Variants in NUP98 observed in about 807,000 individuals in gnomAD.
NUP98 encodes the protein nuclear pore complex protein Nup98-Nup96.
A neutral mutation model predicts 191.9 loss-of-function variants in NUP98; 26 were observed. The ratio of observed to expected loss-of-function variants is 0.14; its 90% CI spans 0.10 to 0.19. The LOEUF (loss-of-function observed/expected upper bound fraction) is 0.19. NUP98 is among the 10% of genes least tolerant of loss of function. The pLI, the probability that NUP98 is intolerant of heterozygous loss-of-function variation, is 1.00. For missense variants in NUP98, 1,941 were observed against 2,178.8 expected (o/e 0.89, Z 2.17); for synonymous variants, 808 against 778.4 (o/e 1.04, Z -0.63).
At chr11:3,753,552 A>C (rs1028893633) in intron 10 of NUP98, 144 bp from the exon 11 acceptor site, 1 of 501,290 alleles carries the variant, frequency 2.0e-6, no homozygotes, top group Non-Finnish European at 3.5e-6. Flanking sequence ...AGGATAACTT[A>C]AAAAAAAAAT....
intron 8 of NUP98, among the ~76,000 whole-genome samples, chr11:3,767,616 C>T (rs528029139): frequency 1.4e-3 from 217 of 152,214 alleles, no homozygotes; most frequent in South Asian, 2.3e-3. Flanking sequence ...CTACTGTGCC[C>T]AGCCCATACT....
chr11:3,719,491 T>C lies in NUP98; in HGVS notation c.2320A>G (p.Ile774Val), dbSNP rs778812908. The C allele has an allele frequency of 1.9e-6, 3 of 1,594,326 alleles. No individual in the cohort carries two copies. The highest frequency in any genetic ancestry group is 1.4e-5 in the African/African-American group (1 of 73,778). ...ACTTCTTTCCTCCGGATATGCACAA[T>C]ATCATCCAAATTTAGATTTGTCAAA... ...VNLTNLNLDD[I>V]VHIRRKEVVV... Residue 774 changes from isoleucine (I) to valine (V), a missense_variant, in exon 18 of 33, where the codon ATT (isoleucine) becomes GTT (valine). Ile to Val is a conservative substitution (Grantham distance 29). Transcript: ENST00000324932.
intron 12 of NUP98, among the ~76,000 whole-genome samples, chr11:3,741,615 C>T (rs2080289305): frequency 2.0e-5 from 3 of 151,464 alleles, no homozygotes; most frequent in African/African-American, 7.3e-5. Flanking sequence ...TGCGAAACTC[C>T]GTCTCAAAAA....
chr11:3,739,288 C>T (rs2080188987), intron 12 of NUP98, among the ~76,000 whole-genome samples: 1 of 152,088 alleles, frequency 6.6e-6, no homozygotes, highest in African/African-American at 2.4e-5. Context: ...CTTGCTGTGT[C>T]ACTCAGGCTG....
chr11:3,702,833 C>G lies in NUP98; in HGVS notation c.3142G>C (p.Val1048Leu). The G allele has an allele frequency of 6.2e-7, 1 of 1,614,054 alleles. No individual in the cohort carries two copies. The highest frequency in any genetic ancestry group is 1.3e-5 in the African/African-American group (1 of 75,026). ...SGAFLSPSVS[V>L]QECRTPRAAS... ...GCTCTGGGAGTACGACATTCTTGCA[C>G]AGAGACACTTGGTGAAAGAAAAGCT... is the stretch of plus-strand genomic sequence containing the variant. Residue 1048 changes from valine to leucine, a missense_variant, in exon 23 of 33, where the codon GTG becomes CTG. Around this residue, in one of 6 missense-constraint regions of NUP98, gnomAD observed 1,030 missense variants for 1,115.8 expected, o/e 0.92. Transcript: ENST00000324932.
intron 20 of NUP98, among the ~76,000 whole-genome samples, chr11:3,707,749 A>AAAAAGAAAAAG: frequency 6.7e-6 from 1 of 148,978 alleles, no homozygotes; most frequent in East Asian, 2.0e-4. Context: ...AAAAAAAAAA[A>AAAAAGAAAAAG]AAAAATCCTG....
rs144851834 is a variant in NUP98, at chr11:3,714,545, T to C, written c.2400-550A>G. Among the ~76,000 whole-genome samples, 15 of 152,254 alleles carry C rather than the reference T, an allele frequency of 9.9e-5. No individual in the cohort carries two copies. In the East Asian group the frequency reaches 2.7e-3, roughly 27 times the overall value. On this transcript the variant is annotated intron_variant, in intron 18 of 32. Transcript: ENST00000324932. ...AAACACAGTGACTACTAGGATGTAATAGGTAGATGCTGCTCTCCATTTCCT... is the reference window on the plus strand; with the variant it reads ...AAACACAGTGACTACTAGGATGTAACAGGTAGATGCTGCTCTCCATTTCCT...
chr11:3,721,020 G>A (rs925804582), intron 16 of NUP98, 195 bp from the exon 17 acceptor site: 5 of 371,730 alleles, frequency 1.3e-5, no homozygotes, highest in South Asian at 4.2e-5. Context: ...AAAGCTTCAT[G>A]GTCAAATAGG....
chr11:3,725,935 C>T (rs1160532257), intron 14 of NUP98, among the ~76,000 whole-genome samples: 4 of 152,182 alleles, frequency 2.6e-5, no homozygotes, highest in Admixed American at 1.3e-4. Flanking sequence ...ATTCTCCCAC[C>T]TCAGCTTCCC....
intron 25 of NUP98, among the ~76,000 whole-genome samples, chr11:3,695,988 T>A (rs2134079488): frequency 6.6e-6 from 1 of 152,168 alleles, no homozygotes; most frequent in Middle Eastern, 3.4e-3. Flanking sequence ...AGTCACGAGT[T>A]CGAGACCAGC....
intron 20 of NUP98, among the ~76,000 whole-genome samples, chr11:3,710,678 G>C (rs2079003625): frequency 6.6e-6 from 1 of 152,138 alleles, no homozygotes; most frequent in East Asian, 1.9e-4. Flanking sequence ...GTTTCCCCAT[G>C]CAAAGTAAAA....
chr11:3,782,726 G>T (rs10835083), intron 1 of NUP98, among the ~76,000 whole-genome samples: 151,884 of 151,970 alleles, frequency 1, 75,899 homozygotes, highest in East Asian at 1. Flanking sequence ...GTATTTTTAG[G>T]AGAGACAGGG....
At position 3,699,295 on chromosome 11, in the gene NUP98, G is replaced by A. The variant is rs1564817830; in HGVS notation, c.3796C>T (p.Leu1266=). Reference sequence around the variant, plus strand: ...TTTAGCTGGCTGTCAAGCTCCTTCAGGTGGCCCCATAGGGCTTCACATAGT... The same window carrying A: ...TTTAGCTGGCTGTCAAGCTCCTTCAAGTGGCCCCATAGGGCTTCACATAGT... ...WTLCEALWGH[L]KELDSQLNEP... Residue 1266 remains leucine (L), a synonymous_variant, in exon 25 of 33, where the codon CTG becomes TTG. Transcript: ENST00000324932. 1.2e-6 allele frequency: 2 copies of A among 1,614,190 alleles called. No individual in the cohort carries two copies. The highest frequency in any genetic ancestry group is 1.7e-6 in the Non-Finnish European group (2 of 1,180,042).
intron 6 of NUP98, among the ~76,000 whole-genome samples, 174 bp downstream of exon 6, chr11:3,773,458 A>T (rs1460079113): frequency 6.6e-6 from 1 of 152,140 alleles, no homozygotes; most frequent in African/African-American, 2.4e-5. Flanking sequence ...TGCCTAAACA[A>T]GTAGATATCT....
chr11:3,717,595 A>G (rs2079231684), intron 18 of NUP98, among the ~76,000 whole-genome samples: 1 of 152,074 alleles, frequency 6.6e-6, no homozygotes, highest in Non-Finnish European at 1.5e-5. Context: ...ATCTTTAGGG[A>G]TTTCTACACA....
intron 18 of NUP98, among the ~76,000 whole-genome samples, chr11:3,718,425 A>G (rs1179511274): frequency 1.6e-4 from 25 of 151,892 alleles, no homozygotes; most frequent in Non-Finnish European, 1.5e-5. Context: ...AATCCCAGCT[A>G]CTCTGGAGGC....
intron 25 of NUP98, among the ~76,000 whole-genome samples, chr11:3,697,982 A>G (rs888548652): frequency 4.6e-5 from 7 of 152,154 alleles, no homozygotes; most frequent in Non-Finnish European, 8.8e-5. Context: ...CAACTTCTAT[A>G]TATTTATTTG....
intron 11 of NUP98, among the ~76,000 whole-genome samples, chr11:3,752,969 T>C (rs2080819909): frequency 6.6e-6 from 1 of 152,186 alleles, no homozygotes; most frequent in Non-Finnish European, 1.5e-5. Flanking sequence ...GGGCTTACTT[T>C]GATGAACAGT....
At position 3,723,635 on chromosome 11, in the gene NUP98, T is replaced by C. The variant is rs530021769; in HGVS notation, c.1848-180A>G. ...AAACAGATAATTACTATCTCTATTG[T>C]ATACTCTCCTATATGGAATCAAATA... On this transcript the variant is annotated intron_variant, in intron 15 of 32. Transcript: ENST00000324932. 3.3e-5 allele frequency among the ~76,000 whole-genome samples: 5 copies of C among 152,186 alleles called. No homozygotes were observed. In the East Asian group the frequency reaches 5.8e-4, roughly 18 times the overall value.
Sources: allele counts gnomAD v4.1 joint callset (sites outside exome capture counted in the v4.1 genomes callset), GRCh38; gene constraint gnomAD v4.1.1; regional missense constraint gnomAD v4.1.1; transcripts MANE v1.5; gene names NCBI Gene and HGNC (gene_info 2026-07-23, HGNC 2026-07-21).